Variants in C1QTNF2 observed in about 807,000 individuals in gnomAD.
C1QTNF2 encodes the protein complement C1q tumor necrosis factor-related protein 2.
Under a neutral mutation model 17.4 loss-of-function variants are expected in C1QTNF2, and 15 were observed. The ratio of observed to expected loss-of-function variants is 0.86; its 90% CI spans 0.58 to 1.33. The LOEUF (loss-of-function observed/expected upper bound fraction) is 1.33. Ranked by LOEUF, C1QTNF2 falls within the 40% of genes most tolerant of loss-of-function variation. The pLI is 0.00. For synonymous variants in C1QTNF2, 154 were observed against 163.3 expected, an observed-to-expected ratio of 0.94 and a Z score of 0.44; for missense variants, 381 against 392.3, an observed-to-expected ratio of 0.97 and a Z score of 0.24.
Position 160,348,307 on chromosome 5 carries a change from C to G in C1QTNF2, c.*861G>C, listed in dbSNP as rs1032336746. Reference sequence around the variant, plus strand: ...TGCAATGAGCAGATTCAAGATGATCCGCCTATCAGTGTCACTTTGTATTCT... The same window carrying G: ...TGCAATGAGCAGATTCAAGATGATCGGCCTATCAGTGTCACTTTGTATTCT... On this transcript the variant is annotated 3_prime_UTR_variant, in exon 3 of 3. Transcript: ENST00000652664. 1 of 152,182 alleles carries G rather than the reference C, an allele frequency of 6.6e-6. No individual in the cohort carries two copies. Among genetic ancestry groups the G allele is most frequent in the African/African-American group, 2.4e-5 (1 of 41,428 alleles). The allele number at this position is 152,182 out of a possible 1,614,324, so 9.4% of individuals were successfully genotyped here. A position where few individuals can be genotyped will look rare whatever the true frequency, so the allele number is the denominator to read the frequency against.
At position 160,349,468 on chromosome 5, in the gene C1QTNF2, C is replaced by G; in HGVS notation, c.558G>C (p.Lys186Asn). 6.2e-7 allele frequency: 1 copy of G among 1,614,124 alleles called. No homozygotes were observed. Among genetic ancestry groups the G allele is most frequent in the Non-Finnish European group, 8.5e-7 (1 of 1,180,042 alleles). ...AGATCCCAGGCACGCCGCAGACGAA[C>G]TTGCCGCTGGAAGCATTGTAGTGGC... ...EGGHYNASSG[K>N]FVCGVPGIYY... Residue 186 changes from lysine to asparagine, a missense_variant, in exon 3 of 3, where the codon AAG (lysine) becomes AAC (asparagine). Physicochemically the swap from Lys to Asn is moderately conservative, Grantham distance 94. Coordinates refer to ENST00000652664, the MANE Select transcript of C1QTNF2 (RefSeq NM_031908.6). This position sits in a 1 kb window ranked among gnomAD's most constrained non-coding sequence, Gnocchi z 4.3.
At chr5:160,367,727 A>G (rs1241528838) in intron 1 of C1QTNF2, among the ~76,000 whole-genome samples, 1 of 152,146 alleles carries the variant, frequency 6.6e-6, no homozygotes, top group African/African-American at 2.4e-5. Flanking sequence ...CCCCACGCTG[A>G]CTAGGACAGA....
rs116810382 is a variant in C1QTNF2 at position 160,355,135 on chromosome 5, C to T, written c.-9-115G>A. ...GGGATACACTCAGTTGGATTTCTGTCTCTTGCTCTTTCCTGCATCACATAC... is the reference window on the plus strand; with the variant it reads ...GGGATACACTCAGTTGGATTTCTGTTTCTTGCTCTTTCCTGCATCACATAC... On this transcript the variant is annotated intron_variant, in intron 1 of 2. Coordinates refer to ENST00000652664, the MANE Select transcript of C1QTNF2 (RefSeq NM_031908.6). 2.4e-3 allele frequency: 3,477 copies of T among 1,424,770 alleles called. 70 individuals are homozygous for T. The African/African-American group carries it at 0.045, about 19-fold the overall frequency. 88.3% of individuals were successfully genotyped at this position (1,424,770 alleles called of 1,614,324 possible).
In C1QTNF2 at chr5:160,354,882, G is replaced by T. The variant is rs758133862; in HGVS notation, c.130C>A (p.Pro44Thr). The T allele has an allele frequency of 6.2e-7, 1 of 1,606,008 alleles. No homozygotes were observed. The highest frequency in any genetic ancestry group is 8.5e-7 in the Non-Finnish European group (1 of 1,176,700). The change falls in exon 2 of 3, where the codon CCA becomes ACA. Residue 44 changes from proline (P) to threonine (T), a missense_variant. Pro to Thr is a conservative substitution (Grantham distance 38). Coordinates refer to ENST00000652664, the MANE Select transcript of C1QTNF2 (RefSeq NM_031908.6). ...LVCSLPGPQG[P>T]PGPPGAPGPS... ...CCTGGGGCTCCTGGGGGGCCGGGTGGGCCCTGGGGGCCAGGCAGGCTGCAG... is the reference window on the plus strand; with the variant it reads ...CCTGGGGCTCCTGGGGGGCCGGGTGTGCCCTGGGGGCCAGGCAGGCTGCAG...
chr5:160,350,517 A>G (rs546089689), intron 2 of C1QTNF2, among the ~76,000 whole-genome samples: 3 of 152,204 alleles, frequency 2.0e-5, no homozygotes, highest in Admixed American at 6.5e-5. Context: ...CAGCCTGGGC[A>G]ATGTAGCCAG....
At chr5:160,361,894 T>C (rs1281711632) in intron 1 of C1QTNF2, among the ~76,000 whole-genome samples, 8 of 152,170 alleles carry the variant, frequency 5.3e-5, no homozygotes, top group Admixed American at 5.2e-4. Context: ...CCTGGCCCAA[T>C]TTGTGATTAT....
In C1QTNF2 at chr5:160,347,967, G is replaced by C. The variant is rs1431584350; in HGVS notation, c.*1201C>G. 1 of 152,052 alleles carries C rather than the reference G, an allele frequency of 6.6e-6. No homozygotes were observed. Among genetic ancestry groups the C allele is most frequent in the East Asian group, 1.9e-4 (1 of 5,178 alleles). 9.4% of individuals were successfully genotyped at this position (152,052 alleles called of 1,614,324 possible). A position where few individuals can be genotyped will look rare whatever the true frequency, so the allele number is the denominator to read the frequency against. The stretch of plus-strand genomic sequence containing the variant: ...AGACGATGTTTTGCCATGTTGGTCA[G>C]GCTGGTCTTGAACTCCTGACCTCAA... On this transcript the variant is annotated 3_prime_UTR_variant, in exon 3 of 3. Coordinates refer to ENST00000652664, the MANE Select transcript of C1QTNF2 (RefSeq NM_031908.6).
chr5:160,366,448 C>T lies in C1QTNF2; in HGVS notation c.-10+4064G>A, dbSNP rs113352097. ...ATGATGTCATGGGAGAAGGTTGCCA[C>T]ACTCATGAGAATAAACAAGCAGACC... On this transcript the variant is annotated intron_variant, in intron 1 of 2. Transcript: ENST00000652664. Among the ~76,000 whole-genome samples, 484 of 152,302 alleles carry T rather than the reference C, an allele frequency of 3.2e-3. 4 individuals are homozygous for T. Among genetic ancestry groups the T allele is most frequent in the African/African-American group, 0.011 (448 of 41,570 alleles).
Position 160,349,049 on chromosome 5 carries a change from G to T in C1QTNF2, c.*119C>A. The T allele has an allele frequency of 1.6e-6, 2 of 1,254,574 alleles. No individual in the cohort carries two copies. The highest frequency in any genetic ancestry group is 1.1e-6 in the Non-Finnish European group (1 of 909,424). 77.7% of individuals were successfully genotyped at this position (1,254,574 alleles called of 1,614,324 possible). The stretch of plus-strand genomic sequence containing the variant: ...GGGGAAAAAAAGAGGCAGAGGAGGT[G>T]AGCCTGAGGCTAGAACCGCTCACTC... On this transcript the variant is annotated 3_prime_UTR_variant, in exon 3 of 3. Coordinates refer to ENST00000652664, the MANE Select transcript of C1QTNF2 (RefSeq NM_031908.6). The surrounding 1 kb of genome is among the most constrained non-coding windows in gnomAD (Gnocchi z 4.3).
intron 2 of C1QTNF2, among the ~76,000 whole-genome samples, chr5:160,350,831 A>G (rs1370313897): frequency 6.6e-6 from 1 of 151,794 alleles, no homozygotes; most frequent in East Asian, 1.9e-4. Flanking sequence ...GCTCACTGCA[A>G]GCTCCGCCTC....
rs34316544 is a variant in C1QTNF2, at chr5:160,355,810, ATT to A, written c.-9-792_-9-791del. On this transcript the variant is annotated intron_variant, in intron 1 of 2. Transcript: ENST00000652664. ...AAAACATCATGAGATATTTCTTGCG[ATT>A]TTTTTTTAAGCTCATCACCTATCGT... is the stretch of plus-strand genomic sequence containing the variant. Among the ~76,000 whole-genome samples, 16 of 151,824 alleles carry A rather than the reference ATT, an allele frequency of 1.1e-4. No homozygotes were observed. In the East Asian group the frequency reaches 2.7e-3, roughly 26 times the overall value.
At chr5:160,367,860 A>C (rs1256075368) in intron 1 of C1QTNF2, among the ~76,000 whole-genome samples, 2 of 152,222 alleles carry the variant, frequency 1.3e-5, no homozygotes, top group African/African-American at 4.8e-5. Context: ...CTAGAGGAAA[A>C]GAGTAATGAT....
intron 2 of C1QTNF2, among the ~76,000 whole-genome samples, chr5:160,351,795 A>G (rs1763927389): frequency 6.6e-6 from 1 of 152,188 alleles, no homozygotes; most frequent in African/African-American, 2.4e-5. Flanking sequence ...TTAAAAATAA[A>G]CAAAAAGAAT....
At chr5:160,369,313 T>C (rs1764304651) in intron 1 of C1QTNF2, among the ~76,000 whole-genome samples, 2 of 152,198 alleles carry the variant, frequency 1.3e-5, no homozygotes, top group Admixed American at 1.3e-4. Flanking sequence ...AAGTGTGGTA[T>C]CCCTGCTAGG....
In C1QTNF2 at chr5:160,349,746, C is replaced by T. The variant is rs374325072; in HGVS notation, c.280G>A (p.Gly94Arg). ...ATGGCCCCGGCTTTGCCCTTTGGTC[C>T]TGGCTTTCCCCGGTTACCTGTCCGG... The part of the protein sequence containing the change: ...PGRTGNRGKP[G>R]PKGKAGAIGR... The change falls in exon 3 of 3, where the codon GGA (glycine) becomes AGA (arginine). Residue 94 changes from glycine to arginine, a missense_variant. Gly to Arg is a moderately radical substitution (Grantham distance 125). Coordinates refer to ENST00000652664, the MANE Select transcript of C1QTNF2 (RefSeq NM_031908.6). This position sits in a 1 kb window ranked among gnomAD's most constrained non-coding sequence, Gnocchi z 4.3. 18 of 1,538,988 alleles carry T rather than the reference C, an allele frequency of 1.2e-5. No individual in the cohort carries two copies. In the African/African-American group the frequency reaches 2.2e-4, roughly 19 times the overall value.
chr5:160,370,374 G>T, intron 1 of C1QTNF2, 138 bp downstream of exon 1: 1 of 1,121,262 alleles, frequency 8.9e-7, no homozygotes, highest in Non-Finnish European at 1.2e-6. Flanking sequence ...TGCAGGAGCT[G>T]CCCAGCCCGC....
rs1020901799 is a variant in C1QTNF2, at chr5:160,347,850, C to G, written c.*1318G>C. ...TCTCAGCTAACTGCAACCTCCACCT[C>G]CTGGGTTCAAGCGATTCTCCCGCCT... On this transcript the variant is annotated 3_prime_UTR_variant, in exon 3 of 3. Transcript: ENST00000652664. 6.6e-6 allele frequency: 1 copy of G among 151,644 alleles called. No individual in the cohort carries two copies. The highest frequency in any genetic ancestry group is 1.5e-5 in the Non-Finnish European group (1 of 67,962). The allele number at this position is 151,644 out of a possible 1,614,324, so 9.4% of individuals were successfully genotyped here. A position where few individuals can be genotyped will look rare whatever the true frequency, so the allele number is the denominator to read the frequency against.
chr5:160,361,358 G>A (rs1396545307), intron 1 of C1QTNF2, among the ~76,000 whole-genome samples: 1 of 152,192 alleles, frequency 6.6e-6, no homozygotes, highest in African/African-American at 2.4e-5. Context: ...GATCCTTCCT[G>A]AATGTGTCTG....
intron 1 of C1QTNF2, among the ~76,000 whole-genome samples, chr5:160,364,008 C>G (rs920571556): frequency 7.2e-5 from 11 of 152,158 alleles, no homozygotes; most frequent in African/African-American, 2.7e-4. Flanking sequence ...TCACATGTGT[C>G]AGTTTGTCTT....
Sources: gnomAD v4.1 joint callset for allele counts (sites outside exome capture counted in the v4.1 genomes callset) on GRCh38, gnomAD v4.1.1 for gene constraint, Gnocchi (gnomAD v3.1) non-coding constraint, MANE v1.5 for transcripts, NCBI Gene and HGNC (gene_info 2026-07-23, HGNC 2026-07-21) for gene names.